FMNL3: variants seen among roughly 807,000 people sequenced by gnomAD.
FMNL3 encodes formin like 3, also known as formin-like protein 3.
Under a neutral mutation model 119.6 loss-of-function variants are expected in FMNL3, and 57 were observed. That is an observed-to-expected ratio of 0.48 (90% CI 0.39 to 0.59). FMNL3 has a LOEUF of 0.59. Ranked by LOEUF, FMNL3 falls within the 20% of genes least tolerant of loss-of-function variation. The pLI is 0.00. For synonymous variants in FMNL3, 491 were observed against 507.3 expected, an observed-to-expected ratio of 0.97 and a Z score of 0.43; for missense variants, 1,053 against 1,323.5, an observed-to-expected ratio of 0.80 and a Z score of 3.17.
At chr12:49,656,583 T>C in intron 8 of FMNL3, 86 bp from the exon 9 acceptor site, 1 of 1,236,260 alleles carries the variant, frequency 8.1e-7, no homozygotes, top group Non-Finnish European at 1.2e-6. Context: ...TAAGTCCTTT[T>C]GGAGAGTGGA....
At chr12:49,691,364 G>A (rs1241763083) in intron 1 of FMNL3, among the ~76,000 whole-genome samples, 2 of 151,914 alleles carry the variant, frequency 1.3e-5, no homozygotes, top group Non-Finnish European at 1.5e-5. Context: ...CTGCTGAACC[G>A]ACTTGACTTT....
rs1420705842 is a variant in FMNL3 at position 49,707,325 on chromosome 12, T to G, written c.-145A>C. ...CCCGTCGAGGGCGCCGGGGGTTCCC[T>G]GGAGTCCCGCTGGCGGGGGCGCGCG... On this transcript the variant is annotated 5_prime_UTR_variant, in exon 1 of 26. Transcript: ENST00000335154. 2 of 689,410 alleles carry G rather than the reference T, an allele frequency of 2.9e-6. No homozygotes were observed. The highest frequency in any genetic ancestry group is 4.3e-6 in the Non-Finnish European group (2 of 470,304). 42.7% of individuals were successfully genotyped at this position (689,410 alleles called of 1,614,324 possible). A position where few individuals can be genotyped will look rare whatever the true frequency, so the allele number is the denominator to read the frequency against.
At position 49,643,988 on chromosome 12, in the gene FMNL3, G is replaced by T. The variant is rs375733550; in HGVS notation, c.*1827C>A. Reference sequence around the variant, plus strand: ...CTCCCTAACCGTTCCCCAGGCTTTGGAATCAAGAAGGAGAAGGTGAGGGGC... The same window carrying T: ...CTCCCTAACCGTTCCCCAGGCTTTGTAATCAAGAAGGAGAAGGTGAGGGGC... On this transcript the variant is annotated 3_prime_UTR_variant, in exon 26 of 26. Coordinates refer to ENST00000335154, the MANE Select transcript of FMNL3 (RefSeq NM_175736.5). 145 of 1,614,040 alleles carry T rather than the reference G, an allele frequency of 9.0e-5. No individual in the cohort carries two copies. The highest frequency in any genetic ancestry group is 1.2e-4 in the Non-Finnish European group (141 of 1,180,024).
intron 1 of FMNL3, among the ~76,000 whole-genome samples, chr12:49,669,500 T>C (rs1943983918): frequency 6.6e-6 from 1 of 152,160 alleles, no homozygotes; most frequent in African/African-American, 2.4e-5. Flanking sequence ...TTCTCATCAG[T>C]CTGGCTGTCT....
intron 5 of FMNL3, 78 bp downstream of exon 5, chr12:49,661,888 A>G: frequency 7.6e-7 from 1 of 1,324,154 alleles, no homozygotes. Flanking sequence ...TTGAACTCTC[A>G]CCCTTCCTTA....
rs1209977368 is a variant in FMNL3 at position 49,637,398 on chromosome 12, C to G, written c.*8417G>C. The G allele has an allele frequency of 9.5e-7, 1 of 1,048,154 alleles. No individual in the cohort carries two copies. The highest frequency in any genetic ancestry group is 1.5e-6 in the Non-Finnish European group (1 of 686,314). 64.9% of individuals were successfully genotyped at this position (1,048,154 alleles called of 1,614,324 possible). On this transcript the variant is annotated 3_prime_UTR_variant, in exon 26 of 26. Transcript: ENST00000335154. ...TCCCTGCCTCTTCCTCTGCCATTCC[C>G]TCTCTTCCCCCTCAGTCTGTGGCTC...
rs1945076103 is a variant in FMNL3, at chr12:49,707,211, C to G, written c.-31G>C. 6.8e-7 allele frequency: 1 copy of G among 1,477,644 alleles called. No individual in the cohort carries two copies. The highest frequency in any genetic ancestry group is 8.9e-7 in the Non-Finnish European group (1 of 1,120,576). The allele number at this position is 1,477,644 out of a possible 1,614,324, so 91.5% of individuals were successfully genotyped here. On this transcript the variant is annotated 5_prime_UTR_variant, in exon 1 of 26. Transcript: ENST00000335154. ...CGGGGCCCCCTCAGGGGCCTCGGCC[C>G]CCCACCTCCACGCTCCGGAGCTTTC...
Position 49,637,749 on chromosome 12 carries a change from C to T in FMNL3, c.*8066G>A. The stretch of plus-strand genomic sequence containing the variant: ...TCCTTACAGGCTCCACCCCTCTGGA[C>T]TTATTCAAGTTCTATGTGGAGGAGT... On this transcript the variant is annotated 3_prime_UTR_variant, in exon 26 of 26. Transcript: ENST00000335154. 6.2e-7 allele frequency: 1 copy of T among 1,608,262 alleles called. No homozygotes were observed. Among genetic ancestry groups the T allele is most frequent in the Non-Finnish European group, 8.5e-7 (1 of 1,175,866 alleles).
At chr12:49,699,352 C>T (rs1258002799) in intron 1 of FMNL3, among the ~76,000 whole-genome samples, 1 of 152,224 alleles carries the variant, frequency 6.6e-6, no homozygotes, top group Admixed American at 6.5e-5. Flanking sequence ...GGTCTCATTT[C>T]CTCTCCACTT....
At chr12:49,697,858 GA>G (rs374148740) in intron 1 of FMNL3, among the ~76,000 whole-genome samples, 3,529 of 143,520 alleles carry the variant, frequency 0.025, 142 homozygotes, top group African/African-American at 0.084. Flanking sequence ...TCGTGCAGCT[GA>G]AAAAAAAAAA....
intron 1 of FMNL3, among the ~76,000 whole-genome samples, chr12:49,687,343 T>A (rs368234213): frequency 7.9e-6 from 1 of 127,224 alleles, no homozygotes; most frequent in African/African-American, 3.3e-5. Context: ...CTGCCCACCT[T>A]TACCTCCCAA....
rs1480453841 is a variant in FMNL3, at chr12:49,645,786, G to T, written c.*29C>A. 1.3e-6 allele frequency: 2 copies of T among 1,578,372 alleles called. No individual in the cohort carries two copies. The highest frequency in any genetic ancestry group is 1.7e-6 in the Non-Finnish European group (2 of 1,160,234). ...TGGTTGGACTTGTAGGACTCTGAGG[G>T]GTGAAGTGCTTCTGCCTCCGAGAGG... On this transcript the variant is annotated 3_prime_UTR_variant, in exon 26 of 26. Transcript: ENST00000335154.
intron 1 of FMNL3, among the ~76,000 whole-genome samples, chr12:49,686,204 C>T (rs976495755): frequency 6.6e-6 from 1 of 151,902 alleles, no homozygotes; most frequent in African/African-American, 2.4e-5. Context: ...ATCTCCCAGG[C>T]CCAAGCAATC....
At position 49,643,139 on chromosome 12, in the gene FMNL3, C is replaced by A; in HGVS notation, c.*2676G>T. 1 of 1,587,444 alleles carries A rather than the reference C, an allele frequency of 6.3e-7. No homozygotes were observed. The highest frequency in any genetic ancestry group is 8.6e-7 in the Non-Finnish European group (1 of 1,159,576). On this transcript the variant is annotated 3_prime_UTR_variant, in exon 26 of 26. Coordinates refer to ENST00000335154, the MANE Select transcript of FMNL3 (RefSeq NM_175736.5). ...TTTGAGGATTCCTTTGGCCCTGGGT[C>A]CTCCTCCTCTCTCGAATTCCCAGAC...
At chr12:49,701,110 G>GAAT (rs1944899896) in intron 1 of FMNL3, among the ~76,000 whole-genome samples, 3 of 149,896 alleles carry the variant, frequency 2.0e-5, no homozygotes, top group African/African-American at 7.4e-5. Context: ...TAATGATACT[G>GAAT]AATAATATAT....
At chr12:49,664,837 G>A (rs1388359060) in intron 4 of FMNL3, among the ~76,000 whole-genome samples, 1 of 152,114 alleles carries the variant, frequency 6.6e-6, no homozygotes, top group East Asian at 1.9e-4. Flanking sequence ...TGCCCTGGGG[G>A]CGGATGAGGG....
At position 49,641,738 on chromosome 12, in the gene FMNL3, T is replaced by C. The variant is rs960867511; in HGVS notation, c.*4077A>G. On this transcript the variant is annotated 3_prime_UTR_variant, in exon 26 of 26. Transcript: ENST00000335154. ...ACCAAGGGTAGGCATGGGGGCTTAA[T>C]TGTCAAGTGATGAGGACTTGGATAA... The C allele has an allele frequency of 5.3e-5, 32 of 602,896 alleles. No individual in the cohort carries two copies. The highest frequency in any genetic ancestry group is 9.1e-5 in the Non-Finnish European group (31 of 339,834). The allele number at this position is 602,896 out of a possible 1,614,324, so 37.3% of individuals were successfully genotyped here.
At chr12:49,705,299 T>A (rs913970998) in intron 1 of FMNL3, among the ~76,000 whole-genome samples, 2 of 152,208 alleles carry the variant, frequency 1.3e-5, no homozygotes, top group Admixed American at 6.5e-5. Flanking sequence ...ACCTGGGTTC[T>A]CCTGGTGCTC....
chr12:49,670,220 T>C (rs1944007914), intron 1 of FMNL3, among the ~76,000 whole-genome samples: 1 of 152,236 alleles, frequency 6.6e-6, no homozygotes, highest in South Asian at 2.1e-4. Flanking sequence ...AGGCCCTGCA[T>C]TATTCCAGAA....
Sources: gnomAD v4.1 joint callset for allele counts (sites outside exome capture counted in the v4.1 genomes callset) on GRCh38, gnomAD v4.1.1 for gene constraint, MANE v1.5 for transcripts, NCBI Gene and HGNC (gene_info 2026-07-23, HGNC 2026-07-21) for gene names.